Variants in SLC38A3 observed in about 807,000 individuals in gnomAD.
SLC38A3 encodes sodium-coupled neutral amino acid transporter 3.
In SLC38A3, 17 loss-of-function variants were observed where a neutral mutation model predicts 59.5. The ratio of observed to expected loss-of-function variants is 0.29; its 90% confidence interval spans 0.20 to 0.43. The LOEUF (loss-of-function observed/expected upper bound fraction) is 0.43. Ranked by LOEUF, SLC38A3 falls within the 20% of genes least tolerant of loss-of-function variation. SLC38A3 has a pLI of 1.00. For missense variants in SLC38A3, 454 were observed against 653.9 expected, an observed-to-expected ratio of 0.69 and a Z score of 3.33; for synonymous variants, 238 against 260.3, an observed-to-expected ratio of 0.91 and a Z score of 0.82.
Position 50,220,482 on chromosome 3 carries a change from G to T in SLC38A3, c.*305G>T, listed in dbSNP as rs180861507. On this transcript the variant is annotated 3_prime_UTR_variant, in exon 16 of 16. Coordinates refer to ENST00000614032, the MANE Select transcript of SLC38A3 (RefSeq NM_006841.6). The stretch of plus-strand genomic sequence containing the variant: ...TCCTTGCACAGATGCATACACTGGG[G>T]CCCAGCAGCTGCCTCCTGAGGTGAC... 8.0e-6 allele frequency: 3 copies of T among 375,202 alleles called. No individual in the cohort carries two copies. Among genetic ancestry groups the T allele is most frequent in the Non-Finnish European group, 1.5e-5 (3 of 201,108 alleles). 23.2% of individuals were successfully genotyped at this position (375,202 alleles called of 1,614,324 possible).
intron 1 of SLC38A3, among the ~76,000 whole-genome samples, chr3:50,208,263 T>C (rs1486257485): frequency 6.9e-4 from 38 of 55,330 alleles, no homozygotes; most frequent in Non-Finnish European, 9.9e-4. Context: ...CTTTCTCTCT[T>C]TTTTTTTTTT....
At chr3:50,207,825 G>A (rs961839307) in intron 1 of SLC38A3, 2 of 152,368 alleles carry the variant, frequency 1.3e-5, no homozygotes, top group African/African-American at 4.8e-5. Flanking sequence ...GTGGCCTGGG[G>A]TGGCTTGGTT....
chr3:50,208,776 C>CAG (rs1296758916), intron 1 of SLC38A3, among the ~76,000 whole-genome samples: 2 of 152,166 alleles, frequency 1.3e-5, no homozygotes, highest in African/African-American at 2.4e-5. Flanking sequence ...CACCCTGGGC[C>CAG]GCTGCATCTC....
intron 1 of SLC38A3, among the ~76,000 whole-genome samples, 161 bp from the exon 2 acceptor site, chr3:50,213,988 C>T (rs1050487718): frequency 6.6e-6 from 1 of 152,186 alleles, no homozygotes; most frequent in Non-Finnish European, 1.5e-5. Context: ...GAGCTGGATT[C>T]CCCCAACAGC....
chr3:50,216,663 G>A (rs2109156506), intron 7 of SLC38A3, among the ~76,000 whole-genome samples: 1 of 152,342 alleles, frequency 6.6e-6, no homozygotes, highest in African/African-American at 2.4e-5. Context: ...CAACAGCAGT[G>A]CCTACAATAG....
At chr3:50,205,594 C>G (rs972112619) in intron 1 of SLC38A3, among the ~76,000 whole-genome samples, 7 of 152,258 alleles carry the variant, frequency 4.6e-5, no homozygotes, top group Admixed American at 6.5e-5. Flanking sequence ...GACACGTCGT[C>G]GCCTTAGGGC....
In SLC38A3 at chr3:50,218,841, A is replaced by C; in HGVS notation, c.1199A>C (p.Gln400Pro). The change falls in exon 14 of 16, where the codon CAG becomes CCG. Residue 400 changes from glutamine (Q) to proline (P), a missense_variant. Transcript: ENST00000614032. The surrounding 1 kb of genome is among the most constrained non-coding windows in gnomAD (Gnocchi z 5.8). ...RAIQQMLFPN[Q>P]EFSWLRHVLI... Reference sequence around the variant, plus strand: ...ATCCAGCAGATGCTGTTTCCAAACCAGGAGTTCAGCTGGCTGCGGCATGTG... The same window carrying C: ...ATCCAGCAGATGCTGTTTCCAAACCCGGAGTTCAGCTGGCTGCGGCATGTG... The C allele has an allele frequency of 1.2e-6, 2 of 1,612,532 alleles. No homozygotes were observed. The highest frequency in any genetic ancestry group is 1.7e-6 in the Non-Finnish European group (2 of 1,178,652).
At position 50,217,224 on chromosome 3, in the gene SLC38A3, T is replaced by C; in HGVS notation, c.549-14T>C. The C allele has an allele frequency of 6.2e-7, 1 of 1,601,384 alleles. No individual in the cohort carries two copies. Among genetic ancestry groups the C allele is most frequent in the Non-Finnish European group, 8.5e-7 (1 of 1,171,096 alleles). On this transcript the variant is annotated splice_polypyrimidine_tract_variant and intron_variant, in intron 7 of 15. Transcript: ENST00000614032. The surrounding 1 kb of genome is among the most constrained non-coding windows in gnomAD (Gnocchi z 4.9). Reference sequence around the variant, plus strand: ...ATGGATTCTGACCCTGGCTCCCGACTCATGTCCCTGCAGGGACTGGTACAT... The same window carrying C: ...ATGGATTCTGACCCTGGCTCCCGACCCATGTCCCTGCAGGGACTGGTACAT...
chr3:50,214,549 C>A lies in SLC38A3; in HGVS notation c.183+66C>A. 1 of 1,492,312 alleles carries A rather than the reference C, an allele frequency of 6.7e-7. No homozygotes were observed. Among genetic ancestry groups the A allele is most frequent in the South Asian group, 1.2e-5 (1 of 83,246 alleles). 92.4% of individuals were successfully genotyped at this position (1,492,312 alleles called of 1,614,324 possible). A position where few individuals can be genotyped will look rare whatever the true frequency, so the allele number is the denominator to read the frequency against. The stretch of plus-strand genomic sequence containing the variant: ...AGCTTGGATGCAGTAATGAGGTGGT[C>A]TCTGGCAGCAGTGGGAGGCTGAGGG... On this transcript the variant is annotated intron_variant, in intron 3 of 15. Coordinates refer to ENST00000614032, the MANE Select transcript of SLC38A3 (RefSeq NM_006841.6). The surrounding 1 kb of genome is among the most constrained non-coding windows in gnomAD (Gnocchi z 6.0).
At chr3:50,213,417 C>T (rs1699762180) in intron 1 of SLC38A3, among the ~76,000 whole-genome samples, 1 of 152,212 alleles carries the variant, frequency 6.6e-6, no homozygotes, top group Non-Finnish European at 1.5e-5. Context: ...CCCTGGAGCA[C>T]CCGTTTCCTG....
In SLC38A3 at chr3:50,215,490, G is replaced by A. The variant is rs766378939; in HGVS notation, c.373+31G>A. On this transcript the variant is annotated intron_variant, in intron 5 of 15. Coordinates refer to ENST00000614032, the MANE Select transcript of SLC38A3 (RefSeq NM_006841.6). This position sits in a 1 kb window ranked among gnomAD's most constrained non-coding sequence, Gnocchi z 7.1. ...CCTCACACCAGCCTGGAATGGGCGG[G>A]AGCTGGTGGGTAAACTGGGACAAGC... The A allele has an allele frequency of 5.6e-6, 9 of 1,613,338 alleles. No individual in the cohort carries two copies. Among genetic ancestry groups the A allele is most frequent in the African/African-American group, 2.7e-5 (2 of 74,932 alleles).
At chr3:50,209,615 C>T (rs1699696198) in intron 1 of SLC38A3, among the ~76,000 whole-genome samples, 1 of 151,116 alleles carries the variant, frequency 6.6e-6, no homozygotes, top group African/African-American at 2.5e-5. Flanking sequence ...CGCCACTGCA[C>T]TCCAGCCTGG....
Position 50,218,199 on chromosome 3 carries a change from C to T in SLC38A3, c.936-71C>T. On this transcript the variant is annotated intron_variant, in intron 11 of 15. Coordinates refer to ENST00000614032, the MANE Select transcript of SLC38A3 (RefSeq NM_006841.6). The surrounding 1 kb of genome is among the most constrained non-coding windows in gnomAD (Gnocchi z 5.8). The stretch of plus-strand genomic sequence containing the variant: ...GGTGAAAGTATGGTGCCAGAGAGAG[C>T]TTGGGGCACATGGGGGTCTCCCAAT... 1 of 1,204,680 alleles carries T rather than the reference C, an allele frequency of 8.3e-7. No homozygotes were observed. The highest frequency in any genetic ancestry group is 1.2e-5 in the South Asian group (1 of 81,050). The allele number at this position is 1,204,680 out of a possible 1,614,324, so 74.6% of individuals were successfully genotyped here.
At chr3:50,219,110 C>A (rs952380681) in intron 14 of SLC38A3, among the ~76,000 whole-genome samples, 162 bp downstream of exon 14, 1 of 152,336 alleles carries the variant, frequency 6.6e-6, no homozygotes, top group African/African-American at 2.4e-5. Flanking sequence ...ATTCTAATCC[C>A]TTTTCAGGGC....
chr3:50,213,696 C>T (rs924201125), intron 1 of SLC38A3, among the ~76,000 whole-genome samples: 9 of 152,204 alleles, frequency 5.9e-5, no homozygotes, highest in Non-Finnish European at 7.3e-5. Context: ...GCAGGAGGCC[C>T]CTGGACACAG....
At position 50,218,562 on chromosome 3, in the gene SLC38A3, A is replaced by G. The variant is rs1338845492; in HGVS notation, c.1037-31A>G. 3 of 1,605,310 alleles carry G rather than the reference A, an allele frequency of 1.9e-6. No individual in the cohort carries two copies. The highest frequency in any genetic ancestry group is 3.3e-5 in the Admixed American group (2 of 59,762). On this transcript the variant is annotated intron_variant, in intron 12 of 15. Coordinates refer to ENST00000614032, the MANE Select transcript of SLC38A3 (RefSeq NM_006841.6). The surrounding 1 kb of genome is among the most constrained non-coding windows in gnomAD (Gnocchi z 5.8). The stretch of plus-strand genomic sequence containing the variant: ...CAGATCCCACCTCCTTCCTGGGGCC[A>G]CCTACTGACCACCCTCCCTGCCTGC...
In SLC38A3 at chr3:50,217,803, C is replaced by T; in HGVS notation, c.818C>T (p.Ala273Val). The T allele has an allele frequency of 1.2e-6, 2 of 1,614,056 alleles. No individual in the cohort carries two copies. Among genetic ancestry groups the T allele is most frequent in the South Asian group, 1.1e-5 (1 of 91,088 alleles). ...CTGCAGGTCGAGCCTGAGGCTTCAG[C>T]CTTCTGCACTCCCAGCTACTTCACG... The part of the protein sequence containing the change: ...VQLQVEPEAS[A>V]FCTPSYFTLN... Residue 273 changes from alanine to valine, a missense_variant, in exon 10 of 16, where the codon GCC becomes GTC. By Grantham distance (64) the Ala-to-Val change is moderately conservative (BLOSUM62 0). Around this residue, in one of 3 missense-constraint regions of SLC38A3, gnomAD observed 390 missense variants for 557.9 expected, o/e 0.70. Coordinates refer to ENST00000614032, the MANE Select transcript of SLC38A3 (RefSeq NM_006841.6). The surrounding 1 kb of genome is among the most constrained non-coding windows in gnomAD (Gnocchi z 4.9).
rs1209349798 is a variant in SLC38A3 at position 50,209,090 on chromosome 3, C to A, written c.-52+3742C>A. On this transcript the variant is annotated intron_variant, in intron 1 of 15. Transcript: ENST00000614032. ...GCAGGGAGGAGAATGGGCTGGCTGG[C>A]GCAGGGTCTCCCCTGCCCCTGGGGG... Among the ~76,000 whole-genome samples the A allele has an allele frequency of 2.0e-5, 3 of 152,224 alleles. No individual in the cohort carries two copies. In the East Asian group the frequency reaches 5.8e-4, roughly 29 times the overall value.
chr3:50,218,670 G>T lies in SLC38A3; in HGVS notation c.1114G>T (p.Ala372Ser). 1 of 1,613,418 alleles carries T rather than the reference G, an allele frequency of 6.2e-7. No homozygotes were observed. Among genetic ancestry groups the T allele is most frequent in the Non-Finnish European group, 8.5e-7 (1 of 1,179,466 alleles). Residue 372 changes from alanine (A) to serine (S), a missense_variant, in exon 13 of 16, where the codon GCC becomes TCC. Transcript: ENST00000614032. This position sits in a 1 kb window ranked among gnomAD's most constrained non-coding sequence, Gnocchi z 5.8. ...FDVLILCVRVAVLTAVTLTVP... is the reference protein window; with the variant it reads ...FDVLILCVRVSVLTAVTLTVP... The stretch of plus-strand genomic sequence containing the variant: ...CGTCCTGATCCTGTGTGTGCGCGTG[G>T]CCGTGCTGACAGCAGTCACGCTCAC...
Sources: gnomAD v4.1 joint callset for allele counts (sites outside exome capture counted in the v4.1 genomes callset) on GRCh38, gnomAD v4.1.1 for gene constraint, gnomAD v4.1.1 regional missense constraint, Gnocchi (gnomAD v3.1) non-coding constraint, MANE v1.5 for transcripts, NCBI Gene and HGNC (gene_info 2026-07-23, HGNC 2026-07-21) for gene names.